The following ATXN2 variants were observed in gnomAD, a reference collection of about 807,000 sequenced individuals.
The protein encoded by ATXN2 is ataxin 2.
ATXN2 carries 37 observed loss-of-function variants against 138.6 expected under a neutral mutation model. The observed-to-expected ratio is 0.27, with a 90% CI of 0.21 to 0.35. The LOEUF is 0.35. Among genes scored for constraint, ATXN2 ranks in the 10% least tolerant of loss-of-function variants. The probability of loss-of-function intolerance (pLI) is 1.00; values close to 1 mark genes in which losing one functional copy is unlikely to be tolerated. For synonymous variants in ATXN2, 549 were observed against 543.7 expected, an observed-to-expected ratio of 1.01 and a Z score of -0.13; for missense variants, 1,216 against 1,480.3, an observed-to-expected ratio of 0.82 and a Z score of 2.93.
chr12:111,542,253 CAG>C (rs1449846113), intron 5 of ATXN2, among the ~76,000 whole-genome samples: 4 of 150,998 alleles, frequency 2.6e-5, no homozygotes, highest in African/African-American at 9.7e-5. Context: ...GTTTTTGAGA[CAG>C]AGTCTGGCTC....
chr12:111,477,353 T>G (rs1876897023), intron 18 of ATXN2, among the ~76,000 whole-genome samples: 1 of 151,670 alleles, frequency 6.6e-6, no homozygotes, highest in Non-Finnish European at 1.5e-5. Flanking sequence ...GACTCTTGTT[T>G]CAAGAACAGA....
chr12:111,550,594 G>A (rs1882068979), intron 5 of ATXN2, among the ~76,000 whole-genome samples: 1 of 152,060 alleles, frequency 6.6e-6, no homozygotes, highest in African/African-American at 2.4e-5. Flanking sequence ...ATAATTTAGT[G>A]CTCCTAGACA....
chr12:111,567,506 A>C (rs547700457), intron 1 of ATXN2, among the ~76,000 whole-genome samples: 1 of 151,476 alleles, frequency 6.6e-6, no homozygotes, highest in East Asian at 1.9e-4. Flanking sequence ...TTTCAAAAAA[A>C]AAAAAGAACG....
intron 1 of ATXN2, chr12:111,597,825 G>A: frequency 7.9e-7 from 1 of 1,266,600 alleles, no homozygotes; most frequent in Non-Finnish European, 1.0e-6. Flanking sequence ...TGGGGCGGGG[G>A]TTGGGATAAG....
At chr12:111,500,077 G>C (rs1318325987) in intron 14 of ATXN2, among the ~76,000 whole-genome samples, 3 of 152,114 alleles carry the variant, frequency 2.0e-5, no homozygotes, top group African/African-American at 7.2e-5. Flanking sequence ...ACTAAAAATA[G>C]AGCTACCATA....
chr12:111,492,417 C>A (rs1324440046), intron 14 of ATXN2, among the ~76,000 whole-genome samples: 1 of 152,226 alleles, frequency 6.6e-6, no homozygotes, highest in Non-Finnish European at 1.5e-5. Context: ...GATGCAGTGG[C>A]TAACGCCTGT....
At chr12:111,472,758 G>T (rs1566011189) in intron 18 of ATXN2, among the ~76,000 whole-genome samples, 1 of 151,896 alleles carries the variant, frequency 6.6e-6, no homozygotes, top group African/African-American at 2.4e-5. Flanking sequence ...ATTTTTAGTA[G>T]AGACGGGGTT....
intron 14 of ATXN2, among the ~76,000 whole-genome samples, chr12:111,497,788 G>A (rs980014096): frequency 3.3e-5 from 5 of 151,950 alleles, no homozygotes; most frequent in East Asian, 1.9e-4. Flanking sequence ...AGGCTGAGAC[G>A]GGCAGATCAT....
rs62932861 is a variant in ATXN2 at position 111,541,346 on chromosome 12, CTTTTTTTTTTT to C, written c.571+10923_571+10933del. Among the ~76,000 whole-genome samples, 8 of 67,448 alleles carry C rather than the reference CTTTTTTTTTTT, an allele frequency of 1.2e-4. 1 individual carries two copies. Among genetic ancestry groups the C allele is most frequent in the Non-Finnish European group, 2.1e-4 (7 of 32,810 alleles). 44.2% of individuals were successfully genotyped at this position (67,448 alleles called of 152,430 possible). The stretch of plus-strand genomic sequence containing the variant: ...CGTAGCCACTGTGACAGTTATAATT[CTTTTTTTTTTT>C]TTTTTTTTTTTGAAACAGAGTTTTA... On this transcript the variant is annotated intron_variant, in intron 5 of 24. Coordinates refer to ENST00000673436, the MANE Select transcript of ATXN2 (RefSeq NM_001372574.1).
At chr12:111,495,736 T>G (rs7314228) in intron 14 of ATXN2, among the ~76,000 whole-genome samples, 1 of 152,154 alleles carries the variant, frequency 6.6e-6, no homozygotes, top group Non-Finnish European at 1.5e-5. Context: ...ATAGACCAAA[T>G]AGGCCCAATA....
At chr12:111,547,764 T>C (rs796912583) in intron 5 of ATXN2, among the ~76,000 whole-genome samples, 2 of 38,148 alleles carry the variant, frequency 5.2e-5, no homozygotes, top group Non-Finnish European at 1.1e-4. Context: ...TCCCCAAAAA[T>C]AAAGCCAAAG....
At chr12:111,588,779 C>A (rs956185709) in intron 1 of ATXN2, among the ~76,000 whole-genome samples, 1 of 150,010 alleles carries the variant, frequency 6.7e-6, no homozygotes, top group Admixed American at 6.7e-5. Context: ...ATCAAGAGGT[C>A]GGGAGATTGA....
chr12:111,574,590 G>C (rs1406734291), intron 1 of ATXN2, among the ~76,000 whole-genome samples: 4 of 151,892 alleles, frequency 2.6e-5, no homozygotes, highest in Non-Finnish European at 5.9e-5. Flanking sequence ...ACCATGCCCA[G>C]CTAATTTATT....
chr12:111,598,103 T>C lies in ATXN2; in HGVS notation c.251+681A>G. On this transcript the variant is annotated intron_variant, in intron 1 of 24. Transcript: ENST00000673436. This position sits in a 1 kb window ranked among gnomAD's most constrained non-coding sequence, Gnocchi z 4.5. Reference sequence around the variant, plus strand: ...CCGGAGGCCACATGGAGCCCCACGATTTCAGGGGAGTTCGGGAGCCCCCGC... The same window carrying C: ...CCGGAGGCCACATGGAGCCCCACGACTTCAGGGGAGTTCGGGAGCCCCCGC... 8.9e-7 allele frequency: 1 copy of C among 1,119,206 alleles called. No homozygotes were observed. Among genetic ancestry groups the C allele is most frequent in the Non-Finnish European group, 1.1e-6 (1 of 903,434 alleles). The allele number at this position is 1,119,206 out of a possible 1,614,324, so 69.3% of individuals were successfully genotyped here.
At chr12:111,579,868 T>C (rs1883895630) in intron 1 of ATXN2, among the ~76,000 whole-genome samples, 1 of 151,792 alleles carries the variant, frequency 6.6e-6, no homozygotes, top group Non-Finnish European at 1.5e-5. Context: ...CCTGGCTAAT[T>C]TTTGTACTTT....
intron 5 of ATXN2, among the ~76,000 whole-genome samples, chr12:111,532,071 C>A (rs962534283): frequency 6.6e-6 from 1 of 152,172 alleles, no homozygotes; most frequent in Non-Finnish European, 1.5e-5. Context: ...TAATTTGAAG[C>A]CTGGTGCAGT....
chr12:111,564,603 CAT>C (rs777489905), intron 1 of ATXN2, among the ~76,000 whole-genome samples: 44 of 149,746 alleles, frequency 2.9e-4, no homozygotes, highest in Non-Finnish European at 5.8e-4. Flanking sequence ...AAAAAAAAAA[CAT>C]AGCTGCAACA....
At chr12:111,499,397 G>C (rs1333510118) in intron 14 of ATXN2, among the ~76,000 whole-genome samples, 1 of 152,138 alleles carries the variant, frequency 6.6e-6, no homozygotes, top group Admixed American at 6.6e-5. Flanking sequence ...GATCTGAATA[G>C]ACATTTCTCA....
chr12:111,542,946 A>G (rs1881601953), intron 5 of ATXN2, among the ~76,000 whole-genome samples: 1 of 152,152 alleles, frequency 6.6e-6, no homozygotes. Flanking sequence ...AGGGTAGAGA[A>G]TTTCTATATA....
Sources: gnomAD v4.1 joint callset for allele counts (sites outside exome capture counted in the v4.1 genomes callset) on GRCh38, gnomAD v4.1.1 for gene constraint, Gnocchi (gnomAD v3.1) non-coding constraint, MANE v1.5 for transcripts, NCBI Gene and HGNC (gene_info 2026-07-23, HGNC 2026-07-21) for gene names.